Variants in SLC25A27 observed in about 807,000 individuals in gnomAD.
SLC25A27 encodes mitochondrial uncoupling protein 4.
Under a neutral mutation model 49.1 loss-of-function variants are expected in SLC25A27, and 35 were observed. That is an observed-to-expected ratio of 0.71 (90% CI 0.54 to 0.95). SLC25A27 has a LOEUF of 0.95. SLC25A27 is among the 40% of genes least tolerant of loss of function. SLC25A27 has a pLI of 0.00. For missense variants in SLC25A27, 339 were observed against 397.1 expected, an observed-to-expected ratio of 0.85 and a Z score of 1.24; for synonymous variants, 144 against 136.9, an observed-to-expected ratio of 1.05 and a Z score of -0.36.
At chr6:46,664,944 CTTATA>C in intron 5 of SLC25A27, 58 bp downstream of exon 5, 1 of 769,942 alleles carries the variant, frequency 1.3e-6, no homozygotes, top group South Asian at 2.1e-5. Flanking sequence ...GCTGTAAGCA[CTTATA>C]TTAGGGAAAT....
chr6:46,658,367 A>G, intron 2 of SLC25A27: 2 of 221,996 alleles, frequency 9.0e-6, no homozygotes, highest in South Asian at 1.0e-4. Flanking sequence ...TTTGCATCCC[A>G]TTATTATTTT....
intron 8 of SLC25A27, among the ~76,000 whole-genome samples, chr6:46,674,043 G>A (rs1763659942): frequency 6.6e-6 from 1 of 152,102 alleles, no homozygotes; most frequent in South Asian, 2.1e-4. Flanking sequence ...TAATTCTAAT[G>A]CAGGAAACTA....
chr6:46,669,863 A>G lies in SLC25A27; in HGVS notation c.705-272A>G, dbSNP rs1271881430. ...TTCTGCCTTTTCCCAAGTGAAGTAT[A>G]AGCTCCTCAAGGGCAGGGTCTTACC... On this transcript the variant is annotated intron_variant, in intron 6 of 8. Transcript: ENST00000371347. Among the ~76,000 whole-genome samples the G allele has an allele frequency of 6.6e-5, 10 of 152,264 alleles. No homozygotes were observed. In the East Asian group the frequency reaches 1.9e-3, roughly 29 times the overall value.
At chr6:46,671,072 CATAT>C in intron 7 of SLC25A27, 50 bp from the exon 8 acceptor site, 1 of 1,185,262 alleles carries the variant, frequency 8.4e-7, no homozygotes, top group Non-Finnish European at 1.2e-6. Context: ...TTTTTATGTA[CATAT>C]ATATTTTTTT....
intron 8 of SLC25A27, among the ~76,000 whole-genome samples, chr6:46,673,773 T>C (rs1331022674): frequency 6.6e-6 from 1 of 152,154 alleles, no homozygotes; most frequent in African/African-American, 2.4e-5. Flanking sequence ...ATGAACTCTA[T>C]GGAGCACTTG....
In SLC25A27 at chr6:46,671,238, G is replaced by A. The variant is rs1208343046; in HGVS notation, c.900+10G>A. 1 of 1,419,874 alleles carries A rather than the reference G, an allele frequency of 7.0e-7. No homozygotes were observed. The highest frequency in any genetic ancestry group is 9.6e-7 in the Non-Finnish European group (1 of 1,045,876). The allele number at this position is 1,419,874 out of a possible 1,614,324, so 88.0% of individuals were successfully genotyped here. The stretch of plus-strand genomic sequence containing the variant: ...ATCTTGGCTGAGAATGGTAAAGTTA[G>A]GTTTACTTCCTTTGTTTTTTTTCTT... On this transcript the variant is annotated intron_variant, in intron 8 of 8. Transcript: ENST00000371347.
chr6:46,676,503 A>C lies in SLC25A27; in HGVS notation c.*49A>C. ...AGATACAGTGTTCAGTATTATTGAA[A>C]TATGGGCATCTGCAACACATACCCC... On this transcript the variant is annotated 3_prime_UTR_variant, in exon 9 of 9. Transcript: ENST00000371347. The C allele has an allele frequency of 6.2e-7, 1 of 1,612,134 alleles. No homozygotes were observed. Among genetic ancestry groups the C allele is most frequent in the Non-Finnish European group, 8.5e-7 (1 of 1,178,666 alleles).
chr6:46,655,535 G>GTTTTTTTT (rs773585919), intron 1 of SLC25A27, among the ~76,000 whole-genome samples: 15 of 10,706 alleles, frequency 1.4e-3, no homozygotes, highest in Admixed American at 2.6e-3. Context: ...GTTAATGTTT[G>GTTTTTTTT]TTTTTTTTTT....
In SLC25A27 at chr6:46,653,114, CTGGCAGGGAAGCGGCCGCCGCGGCGCGG is replaced by C; in HGVS notation, c.-76_-49del. On this transcript the variant is annotated 5_prime_UTR_variant, in exon 1 of 9. Transcript: ENST00000371347. ...ACTCGCCGGTTGAAAAGGGGCCGCC[CTGGCAGGGAAGCGGCCGCCGCGGCGCGG>C]TGCAGCGCAGCGGCGAGAAGGAGTG... 7.2e-7 allele frequency: 1 copy of C among 1,386,068 alleles called. No individual in the cohort carries two copies. Among genetic ancestry groups the C allele is most frequent in the Non-Finnish European group, 1.0e-6 (1 of 990,294 alleles). 85.9% of individuals were successfully genotyped at this position (1,386,068 alleles called of 1,614,324 possible).
chr6:46,664,956 A>C, intron 5 of SLC25A27, 70 bp downstream of exon 5: 1 of 668,340 alleles, frequency 1.5e-6, no homozygotes, highest in East Asian at 3.0e-5. Flanking sequence ...TATATTAGGG[A>C]AATTAAAATT....
In SLC25A27 at chr6:46,664,904, A is replaced by G. The variant is rs1209165534; in HGVS notation, c.619+18A>G. 1.4e-6 allele frequency: 2 copies of G among 1,387,304 alleles called. No homozygotes were observed. Among genetic ancestry groups the G allele is most frequent in the Admixed American group, 2.1e-5 (1 of 47,572 alleles). 85.9% of individuals were successfully genotyped at this position (1,387,304 alleles called of 1,614,324 possible). On this transcript the variant is annotated intron_variant, in intron 5 of 8. Coordinates refer to ENST00000371347, the MANE Select transcript of SLC25A27 (RefSeq NM_004277.5). The stretch of plus-strand genomic sequence containing the variant: ...TATGGGAGGTAATGAAAACTTTGTT[A>G]AATTCTAAAAAGTCCTAATTGCCTT...
At chr6:46,658,602 G>T in intron 2 of SLC25A27, 1 of 384,746 alleles carries the variant, frequency 2.6e-6, no homozygotes, top group Non-Finnish European at 5.0e-6. Flanking sequence ...TGGTCTGATG[G>T]AAAGATAAGC....
At chr6:46,656,087 C>A in intron 2 of SLC25A27, 53 bp downstream of exon 2, 1 of 1,458,786 alleles carries the variant, frequency 6.9e-7, no homozygotes, top group South Asian at 1.3e-5. Flanking sequence ...GTGTTTGTCT[C>A]CTGTGCTTTT....
intron 1 of SLC25A27, chr6:46,654,061 A>G: frequency 1.0e-6 from 1 of 965,342 alleles, no homozygotes; most frequent in Non-Finnish European, 1.2e-6. Context: ...CATGAGTAAG[A>G]AAAAACTTTA....
At chr6:46,670,073 C>T (rs1034163382) in intron 6 of SLC25A27, 62 bp from the exon 7 acceptor site, 8 of 1,003,356 alleles carry the variant, frequency 8.0e-6, no homozygotes, top group African/African-American at 3.3e-5. Flanking sequence ...ATACCACATT[C>T]CCTTTCCTAA....
chr6:46,672,843 T>C (rs1365965393), intron 8 of SLC25A27, among the ~76,000 whole-genome samples: 2 of 152,174 alleles, frequency 1.3e-5, no homozygotes, highest in East Asian at 1.9e-4. Flanking sequence ...TTTCCACATA[T>C]AGATGGTAAT....
At chr6:46,670,331 G>GT in intron 7 of SLC25A27, 104 bp downstream of exon 7, 3 of 778,040 alleles carry the variant, frequency 3.9e-6, no homozygotes, top group Non-Finnish European at 4.1e-6. Flanking sequence ...GTATTTGTGT[G>GT]TTTTTTGAGA....
At chr6:46,653,676 A>G (rs199817388) in intron 1 of SLC25A27, 1 of 985,240 alleles carries the variant, frequency 1.0e-6, no homozygotes, top group South Asian at 4.7e-5. Flanking sequence ...ATAGTCTTAC[A>G]CAGCCACACT....
rs1000594413 is a variant in SLC25A27, at chr6:46,671,380, C to T, written c.900+152C>T. The T allele has an allele frequency of 8.4e-4, 398 of 476,564 alleles. 4 individuals carry two copies. Among genetic ancestry groups the T allele is most frequent in the Non-Finnish European group, 2.2e-4 (59 of 271,396 alleles). 29.5% of individuals were successfully genotyped at this position (476,564 alleles called of 1,614,324 possible). ...TCTTTTTTAAATCTTCTTTTATTTC[C>T]TTTCACTTCTCCTCAGAGTTATCTT... On this transcript the variant is annotated intron_variant, in intron 8 of 8. Transcript: ENST00000371347.
Sources: allele counts gnomAD v4.1 joint callset (sites outside exome capture counted in the v4.1 genomes callset), GRCh38; gene constraint gnomAD v4.1.1; transcripts MANE v1.5; gene names NCBI Gene and HGNC (gene_info 2026-07-23, HGNC 2026-07-21).